Variants in DYM observed in about 807,000 individuals in gnomAD.
DYM encodes dymeclin.
A neutral mutation model predicts 93.1 loss-of-function variants in DYM; 78 were observed. That is an observed-to-expected ratio of 0.84 (90% CI 0.70 to 1.01). The LOEUF is 1.01. Ranked by LOEUF, DYM falls within the 50% of genes least tolerant of loss-of-function variation. DYM has a pLI of 0.00. For synonymous variants in DYM, 321 were observed against 319.7 expected, an observed-to-expected ratio of 1.00 and a Z score of -0.04; for missense variants, 789 against 845.0, an observed-to-expected ratio of 0.93 and a Z score of 0.82.
intron 11 of DYM, among the ~76,000 whole-genome samples, chr18:49,263,464 C>T (rs1192753546): frequency 1.3e-5 from 2 of 148,744 alleles, no homozygotes; most frequent in Non-Finnish European, 3.0e-5. Flanking sequence ...GGCGTGGTGG[C>T]TCATGCCTGT....
intron 6 of DYM, among the ~76,000 whole-genome samples, chr18:49,345,138 C>T (rs952693954): frequency 6.6e-6 from 1 of 152,090 alleles, no homozygotes; most frequent in Non-Finnish European, 1.5e-5. Context: ...AAGGCCCATG[C>T]TGGGAGGGAA....
chr18:49,364,611 T>C (rs982930764), intron 5 of DYM, among the ~76,000 whole-genome samples: 31 of 152,134 alleles, frequency 2.0e-4, no homozygotes, highest in Non-Finnish European at 2.9e-5. Context: ...GCTTAGATCT[T>C]TTCAATTACT....
chr18:49,381,052 A>G (rs2068001623), intron 3 of DYM, among the ~76,000 whole-genome samples: 1 of 152,060 alleles, frequency 6.6e-6, no homozygotes, highest in African/African-American at 2.4e-5. Flanking sequence ...GCTGGACAGC[A>G]GTGGTGCAAT....
intron 3 of DYM, 150 bp downstream of exon 3, chr18:49,391,443 T>C: frequency 1.3e-6 from 1 of 768,010 alleles, no homozygotes; most frequent in Non-Finnish European, 2.2e-6. Context: ...GGGTACCTTC[T>C]AGCAGCATCT....
chr18:49,055,354 CT>C (rs1264187689), intron 17 of DYM, among the ~76,000 whole-genome samples: 4 of 152,182 alleles, frequency 2.6e-5, no homozygotes, highest in African/African-American at 9.6e-5. Flanking sequence ...GACTCGTGAT[CT>C]AAAAGCCATC....
Position 49,337,734 on chromosome 18 carries a change from C to CCTTT in DYM, c.495-3882_495-3881insAAAG, listed in dbSNP as rs1387307274. ...AAATTACTATGAAATCCGGCAAATC[C>CCTTT]CATGAAAGAATATGAACTATCTGTA... is the stretch of plus-strand genomic sequence containing the variant. On this transcript the variant is annotated intron_variant, in intron 6 of 17. Coordinates refer to ENST00000675505, the MANE Select transcript of DYM (RefSeq NM_001353214.3). Among the ~76,000 whole-genome samples the CCTTT allele has an allele frequency of 3.3e-5, 5 of 152,012 alleles. No individual in the cohort carries two copies. In the East Asian group the frequency reaches 7.7e-4, roughly 23 times the overall value.
chr18:49,437,257 C>T (rs998986872), intron 1 of DYM, among the ~76,000 whole-genome samples: 5 of 152,140 alleles, frequency 3.3e-5, no homozygotes, highest in Non-Finnish European at 7.4e-5. Flanking sequence ...TGTTCAACCC[C>T]TTTTTAAACA....
chr18:49,282,381 G>A (rs1599103963), intron 9 of DYM, among the ~76,000 whole-genome samples: 1 of 152,130 alleles, frequency 6.6e-6, no homozygotes, highest in African/African-American at 2.4e-5. Context: ...TTGGGAGGCC[G>A]AGACAGGTGG....
rs188998039 is a variant in DYM at position 49,411,680 on chromosome 18, T to C, written c.140+18575A>G. 1.1e-3 allele frequency among the ~76,000 whole-genome samples: 174 copies of C among 152,288 alleles called. 2 individuals carry two copies. Among genetic ancestry groups the C allele is most frequent in the African/African-American group, 4.1e-3 (170 of 41,564 alleles). ...ACAGGTTTGCTGAACAATCAAACTGTAAGTTTCATAACATAAACACTGAAA... is the reference window on the plus strand; with the variant it reads ...ACAGGTTTGCTGAACAATCAAACTGCAAGTTTCATAACATAAACACTGAAA... On this transcript the variant is annotated intron_variant, in intron 2 of 17. Coordinates refer to ENST00000675505, the MANE Select transcript of DYM (RefSeq NM_001353214.3).
chr18:49,318,349 G>C (rs2062170818), intron 8 of DYM, among the ~76,000 whole-genome samples: 1 of 152,214 alleles, frequency 6.6e-6, no homozygotes, highest in African/African-American at 2.4e-5. Flanking sequence ...GCTGGGCATG[G>C]TGGCTCACGC....
At chr18:49,360,953 T>C (rs1263666121) in intron 6 of DYM, among the ~76,000 whole-genome samples, 2 of 152,206 alleles carry the variant, frequency 1.3e-5, no homozygotes, top group Non-Finnish European at 2.9e-5. Context: ...TGCCTCCACA[T>C]TCCAGGAAGG....
chr18:49,232,124 G>A (rs1173795111), intron 13 of DYM, among the ~76,000 whole-genome samples: 3 of 151,830 alleles, frequency 2.0e-5, no homozygotes, highest in Admixed American at 6.6e-5. Context: ...CTATTCATCC[G>A]ATAAGATCTT....
intron 13 of DYM, among the ~76,000 whole-genome samples, chr18:49,223,658 A>G (rs989381729): frequency 2.6e-5 from 4 of 152,156 alleles, no homozygotes; most frequent in African/African-American, 9.6e-5. Context: ...AGTACTACAG[A>G]TGAAACTTGA....
intron 17 of DYM, among the ~76,000 whole-genome samples, chr18:49,076,391 G>A (rs757141928): frequency 4.6e-5 from 7 of 152,152 alleles, no homozygotes; most frequent in Non-Finnish European, 8.8e-5. Context: ...ACATGCTATC[G>A]TAATAGTTCA....
At chr18:49,326,090 C>T (rs1382492241) in intron 8 of DYM, among the ~76,000 whole-genome samples, 5 of 152,154 alleles carry the variant, frequency 3.3e-5, no homozygotes, top group African/African-American at 4.8e-5. Flanking sequence ...TGCGAATTAC[C>T]AGGTCCCACC....
At chr18:49,204,530 A>C (rs533680225) in intron 14 of DYM, among the ~76,000 whole-genome samples, 1 of 152,338 alleles carries the variant, frequency 6.6e-6, no homozygotes, top group East Asian at 1.9e-4. Flanking sequence ...ATTTCTCACC[A>C]AACTTATTCA....
At position 49,441,160 on chromosome 18, in the gene DYM, TTA is replaced by T. The variant is rs1222062473; in HGVS notation, c.-53-10715_-53-10714del. ...AATATATTATATAATATAATATATA[TTA>T]TATATTATATAATTATATATTTATA... On this transcript the variant is annotated intron_variant, in intron 1 of 17. Transcript: ENST00000675505. Among the ~76,000 whole-genome samples, 188 of 21,898 alleles carry T rather than the reference TTA, an allele frequency of 8.6e-3. 17 individuals carry two copies. The South Asian group carries it at 0.11, about 13-fold the overall frequency. The allele number at this position is 21,898 out of a possible 152,430, so 14.4% of individuals were successfully genotyped here.
At chr18:49,155,944 C>A (rs2086362410) in intron 15 of DYM, among the ~76,000 whole-genome samples, 1 of 152,210 alleles carries the variant, frequency 6.6e-6, no homozygotes, top group Non-Finnish European at 1.5e-5. Flanking sequence ...ATTTCTCTAT[C>A]ATGTGACAAC....
chr18:49,441,046 A>T, intron 1 of DYM, among the ~76,000 whole-genome samples: 2 of 7,488 alleles, frequency 2.7e-4, no homozygotes, highest in African/African-American at 6.4e-4. Context: ...ATATAAATAT[A>T]TAATATATTT....
Sources: allele counts gnomAD v4.1 joint callset (sites outside exome capture counted in the v4.1 genomes callset), GRCh38; gene constraint gnomAD v4.1.1; transcripts MANE v1.5; gene names NCBI Gene and HGNC (gene_info 2026-07-23, HGNC 2026-07-21).